PCDHA7: variants seen among roughly 807,000 people sequenced by gnomAD.
PCDHA7 encodes protocadherin alpha 7.
A neutral mutation model predicts 57.2 loss-of-function variants in PCDHA7; 37 were observed. The observed-to-expected ratio is 0.65, with a 90% CI of 0.50 to 0.85. The LOEUF is 0.85. PCDHA7 is among the 40% of genes least tolerant of loss of function. The pLI, the probability that PCDHA7 is intolerant of heterozygous loss-of-function variation, is 0.00. For missense variants in PCDHA7, 1,188 were observed against 1,241.8 expected, an observed-to-expected ratio of 0.96 and a Z score of 0.65; for synonymous variants, 553 against 558.8, an observed-to-expected ratio of 0.99 and a Z score of 0.15.
chr5:140,967,508 C>G (rs2096150874), intron 1 of PCDHA7: 2 of 1,612,712 alleles, frequency 1.2e-6, no homozygotes, highest in Non-Finnish European at 1.7e-6. Flanking sequence ...TGTGCGTGTC[C>G]TGGACACTAA....
At chr5:140,903,515 G>T (rs542642607) in intron 1 of PCDHA7, among the ~76,000 whole-genome samples, 1 of 152,244 alleles carries the variant, frequency 6.6e-6, no homozygotes, top group Non-Finnish European at 1.5e-5. Context: ...TAGTTCTATT[G>T]TGTTGTTCAC....
intron 1 of PCDHA7, among the ~76,000 whole-genome samples, chr5:140,974,807 A>T (rs2096641510): frequency 6.6e-6 from 1 of 152,202 alleles, no homozygotes; most frequent in Admixed American, 6.5e-5. Context: ...ATATACTAGA[A>T]GACCAATATG....
Position 140,834,418 on chromosome 5 carries a change from G to A in PCDHA7, c.35G>A (p.Arg12Gln), listed in dbSNP as rs1248577104. Reference sequence around the variant, plus strand: ...CCGAATGGATACGACCCAGGGGGCCGACATCTACTGCTGTTTATTATAATT... The same window carrying A: ...CCGAATGGATACGACCCAGGGGGCCAACATCTACTGCTGTTTATTATAATT... ...VCPNGYDPGG[R>Q]HLLLFIIILA... The change falls in exon 1 of 4, where the codon CGA (arginine) becomes CAA (glutamine). Residue 12 changes from arginine to glutamine, a missense_variant. Physicochemically the swap from Arg to Gln is conservative, Grantham distance 43. Transcript: ENST00000525929. 19 of 1,611,550 alleles carry A rather than the reference G, an allele frequency of 1.2e-5. No homozygotes were observed. The highest frequency in any genetic ancestry group is 1.6e-5 in the Non-Finnish European group (19 of 1,178,502).
At chr5:140,869,811 C>T (rs1554163508) in intron 1 of PCDHA7, 10 of 1,612,246 alleles carry the variant, frequency 6.2e-6, no homozygotes, top group African/African-American at 2.7e-5. Context: ...TGGATGTCAA[C>T]GACAATGATC....
chr5:140,863,012 G>A, intron 1 of PCDHA7: 1 of 552,296 alleles, frequency 1.8e-6, no homozygotes, highest in South Asian at 1.4e-5. Context: ...CAGCTATGAC[G>A]CCTGGTTGTC....
intron 3 of PCDHA7, among the ~76,000 whole-genome samples, chr5:141,007,422 G>C (rs190866782): frequency 7.0e-6 from 1 of 143,592 alleles, no homozygotes; most frequent in Non-Finnish European, 1.5e-5. Flanking sequence ...AAAAAAATTA[G>C]CCAGGCATGG....
At chr5:140,961,214 A>C (rs1406613180) in intron 1 of PCDHA7, among the ~76,000 whole-genome samples, 4 of 152,288 alleles carry the variant, frequency 2.6e-5, no homozygotes, top group East Asian at 3.9e-4. Context: ...ATTGATGAAG[A>C]AACTGGGTCC....
intron 1 of PCDHA7, chr5:140,856,567 A>C: frequency 6.3e-7 from 1 of 1,597,710 alleles, no homozygotes; most frequent in Non-Finnish European, 8.6e-7. Flanking sequence ...AACTCAGTCC[A>C]AATGAGTATT....
In PCDHA7 at chr5:140,850,761, C is replaced by T. The variant is rs2150497421; in HGVS notation, c.2355+14023C>T. ...TTGGTCGTACTCGCAGCAGAGGAGGCAGAGGGTGTGCTCTGGCGAGGGTAA... is the reference window on the plus strand; with the variant it reads ...TTGGTCGTACTCGCAGCAGAGGAGGTAGAGGGTGTGCTCTGGCGAGGGTAA... On this transcript the variant is annotated intron_variant, in intron 1 of 3. Coordinates refer to ENST00000525929, the MANE Select transcript of PCDHA7 (RefSeq NM_018910.3). The T allele has an allele frequency of 1.4e-5, 23 of 1,597,888 alleles. 2 individuals are homozygous for T. In the Admixed American group the frequency reaches 1.5e-4, roughly 11 times the overall value.
At position 140,951,558 on chromosome 5, in the gene PCDHA7, C is replaced by T. The variant is rs79908970; in HGVS notation, c.2356-27391C>T. On this transcript the variant is annotated intron_variant, in intron 1 of 3. Coordinates refer to ENST00000525929, the MANE Select transcript of PCDHA7 (RefSeq NM_018910.3). The stretch of plus-strand genomic sequence containing the variant: ...GAGCAAGGGACGGGGGGAAGTGCTA[C>T]GCACTTTTAAACAACCAGATTTCAC... Among the ~76,000 whole-genome samples the T allele has an allele frequency of 3.7e-4, 56 of 152,112 alleles. No individual in the cohort carries two copies. In the East Asian group the frequency reaches 9.5e-3, roughly 26 times the overall value.
chr5:140,869,189 G>T (rs1554162601), intron 1 of PCDHA7: 1 of 1,613,836 alleles, frequency 6.2e-7, no homozygotes, highest in African/African-American at 1.3e-5. Flanking sequence ...GTGGGGAGCG[G>T]CCAGCTCCAC....
chr5:140,847,761 T>G (rs1279113142), intron 1 of PCDHA7: 1 of 149,846 alleles, frequency 6.7e-6, no homozygotes, highest in Non-Finnish European at 1.5e-5. Context: ...CACAAGACCT[T>G]AAAGTCAATT....
chr5:140,838,373 C>T (rs1280236434), intron 1 of PCDHA7, among the ~76,000 whole-genome samples: 1 of 151,416 alleles, frequency 6.6e-6, no homozygotes, highest in South Asian at 2.1e-4. Context: ...ATCTGACTGC[C>T]TCAGCCTCCC....
intron 1 of PCDHA7, chr5:140,870,246 C>A: frequency 6.2e-7 from 1 of 1,614,168 alleles, no homozygotes; most frequent in Non-Finnish European, 8.5e-7. Flanking sequence ...CAGGTGTCAA[C>A]GGACAGGTGA....
rs150074715 is a variant in PCDHA7, at chr5:140,835,873, T to G, written c.1490T>G (p.Leu497Arg). The G allele has an allele frequency of 6.4e-4, 1,037 of 1,611,964 alleles. 10 individuals carry two copies. Among genetic ancestry groups the G allele is most frequent in the Admixed American group, 1.9e-3 (111 of 59,998 alleles). The change falls in exon 1 of 4, where the codon CTG becomes CGG. Residue 497 changes from leucine to arginine, a missense_variant. Physicochemically the swap from Leu to Arg is moderately radical, Grantham distance 102. Around this residue, in one of 3 missense-constraint regions of PCDHA7, gnomAD observed 892 missense variants for 788.5 expected, o/e 1.13. Transcript: ENST00000525929. ...NALVSYSLVE[L>R]RVGERALSSY... Reference sequence around the variant, plus strand: ...CTGGTGTCCTACTCGCTGGTGGAGCTGCGGGTGGGCGAGCGCGCGCTGTCG... The same window carrying G: ...CTGGTGTCCTACTCGCTGGTGGAGCGGCGGGTGGGCGAGCGCGCGCTGTCG...
At chr5:140,839,997 G>A (rs2150302530) in intron 1 of PCDHA7, among the ~76,000 whole-genome samples, 10 of 152,064 alleles carry the variant, frequency 6.6e-5, no homozygotes, top group Non-Finnish European at 1.5e-4. Context: ...GTTAGCCTTA[G>A]CACTGAGAAG....
chr5:140,853,671 A>G (rs1314444035), intron 1 of PCDHA7: 5 of 988,246 alleles, frequency 5.1e-6, no homozygotes, highest in East Asian at 1.1e-4. Flanking sequence ...ATTGGGGCCT[A>G]TGGTCAACCT....
In PCDHA7 at chr5:140,936,000, C is replaced by T. The variant is rs370629183; in HGVS notation, c.2356-42949C>T. Among the ~76,000 whole-genome samples, 13 of 150,536 alleles carry T rather than the reference C, an allele frequency of 8.6e-5. No homozygotes were observed. In the East Asian group the frequency reaches 1.6e-3, roughly 18 times the overall value. ...CTCTGCCTCCCGGGTTCAAGCGATT[C>T]TCCCACCTCAGCCTCCCGAGTAGCG... On this transcript the variant is annotated intron_variant, in intron 1 of 3. Coordinates refer to ENST00000525929, the MANE Select transcript of PCDHA7 (RefSeq NM_018910.3).
intron 1 of PCDHA7, chr5:140,882,201 CT>C: frequency 6.5e-7 from 1 of 1,528,460 alleles, no homozygotes; most frequent in South Asian, 1.3e-5. Context: ...AAAATTGGGC[CT>C]TGAGAGACAG....
Sources: gnomAD v4.1 joint callset for allele counts (sites outside exome capture counted in the v4.1 genomes callset) on GRCh38, gnomAD v4.1.1 for gene constraint, gnomAD v4.1.1 regional missense constraint, MANE v1.5 for transcripts, NCBI Gene and HGNC (gene_info 2026-07-23, HGNC 2026-07-21) for gene names.